Variants in BRF1 observed in about 807,000 individuals in gnomAD.
BRF1 encodes transcription factor IIIB 90 kDa subunit.
Under a neutral mutation model 81.7 loss-of-function variants are expected in BRF1, and 59 were observed. The ratio of observed to expected loss-of-function variants is 0.72; its 90% CI spans 0.59 to 0.90. BRF1 has a LOEUF of 0.90. Ranked by LOEUF, BRF1 falls within the 40% of genes least tolerant of loss-of-function variation. BRF1 has a pLI of 0.00. For synonymous variants in BRF1, 491 were observed against 395.6 expected (o/e 1.24, Z -2.86); for missense variants, 1,050 against 936.3 (o/e 1.12, Z -1.58).
chr14:105,302,691 T>C (rs2058076978), upstream of BRF1, among the ~76,000 whole-genome samples: 2 of 152,088 alleles, frequency 1.3e-5, no homozygotes, highest in South Asian at 2.1e-4. Flanking sequence ...GCTCAGGTGA[T>C]CCTCCCACCT....
upstream of BRF1, chr14:105,301,348 G>A (rs1471860855): frequency 6.6e-6 from 1 of 152,164 alleles, no homozygotes; most frequent in Non-Finnish European, 1.5e-5. Context: ...GTGGAGAGAC[G>A]GCCTGCGAAG....
intron 5 of BRF1, among the ~76,000 whole-genome samples, chr14:105,243,761 C>T (rs932230331): frequency 1.2e-4 from 19 of 152,034 alleles, no homozygotes; most frequent in African/African-American, 4.6e-4. Context: ...TTTGGGAGGC[C>T]GAGGAGGGTG....
At chr14:105,263,833 G>A (rs587642917) in intron 3 of BRF1, among the ~76,000 whole-genome samples, 1 of 151,866 alleles carries the variant, frequency 6.6e-6, no homozygotes, top group South Asian at 2.1e-4. Context: ...ACTGAGGCAG[G>A]AGAATGGCAT....
At chr14:105,301,618 G>C (rs587732323), upstream of BRF1, among the ~76,000 whole-genome samples, 79 of 152,328 alleles carry the variant, frequency 5.2e-4, no homozygotes, top group Middle Eastern at 3.4e-3. Context: ...CGCTCCGCTC[G>C]CCCAGGTTCC....
Position 105,226,742 on chromosome 14 carries a change from G to A in BRF1, c.807C>T (p.Asp269=), listed in dbSNP as rs376259458. ...CAATGGTCAACTGACTGGTGGGGGT[G>A]TCTTCAAATTCCGTGAGCCTAAAAT... ...TLRKRLTEFE[D]TPTSQLTIDE... Residue 269 remains aspartate (D), a synonymous_variant, in exon 8 of 18, where the codon GAC becomes GAT. Coordinates refer to ENST00000547530, the MANE Select transcript of BRF1 (RefSeq NM_001519.4). 11 of 1,613,538 alleles carry A rather than the reference G, an allele frequency of 6.8e-6. No individual in the cohort carries two copies. The highest frequency in any genetic ancestry group is 5.3e-5 in the African/African-American group (4 of 74,952).
intron 3 of BRF1, among the ~76,000 whole-genome samples, chr14:105,259,287 A>G (rs2056039730): frequency 1.3e-5 from 2 of 152,094 alleles, no homozygotes; most frequent in Non-Finnish European, 2.9e-5. Flanking sequence ...CTACAAAAAA[A>G]TCCAAAAATT....
intron 16 of BRF1, 112 bp downstream of exon 16, chr14:105,212,001 G>A: frequency 1.4e-6 from 2 of 1,459,838 alleles, no homozygotes; most frequent in South Asian, 1.2e-5. Flanking sequence ...AGCAGGGGCA[G>A]GCGCCTCTGT....
chr14:105,272,379 C>T (rs1342080517), intron 3 of BRF1, among the ~76,000 whole-genome samples: 2 of 152,330 alleles, frequency 1.3e-5, no homozygotes, highest in East Asian at 1.9e-4. Flanking sequence ...GGCCAGAGGG[C>T]GGCCTGAACC....
At chr14:105,217,950 G>A in intron 14 of BRF1, 150 bp from the exon 15 acceptor site, 3 of 1,304,474 alleles carry the variant, frequency 2.3e-6, no homozygotes, top group Non-Finnish European at 3.1e-6. Flanking sequence ...CCAGAATGTG[G>A]GCCAGCCTGG....
intron 5 of BRF1, chr14:105,249,228 G>A (rs1386811458): frequency 5.7e-6 from 9 of 1,586,072 alleles, no homozygotes; most frequent in East Asian, 2.3e-5. Flanking sequence ...GGGGCGACCA[G>A]GACGGTGCCC....
chr14:105,247,354 C>T lies in BRF1; in HGVS notation c.544+5153G>A, dbSNP rs587655883. ...CTACGTGACAAGTCTCAAGTTCAGC[C>T]GCCTGGGGGCTCGGGCACCCCATTC... is the stretch of plus-strand genomic sequence containing the variant. On this transcript the variant is annotated intron_variant, in intron 5 of 17. Transcript: ENST00000547530. 1.9e-5 allele frequency: 19 copies of T among 985,492 alleles called. No individual in the cohort carries two copies. The South Asian group carries it at 4.7e-4, about 24-fold the overall frequency. 61.0% of individuals were successfully genotyped at this position (985,492 alleles called of 1,614,324 possible).
chr14:105,215,782 A>G (rs1464313567), intron 15 of BRF1, among the ~76,000 whole-genome samples: 1 of 146,936 alleles, frequency 6.8e-6, no homozygotes. Flanking sequence ...CACACTGCAC[A>G]CACACACATG....
At chr14:105,221,300 C>T (rs921539348) in intron 11 of BRF1, among the ~76,000 whole-genome samples, 4 of 152,320 alleles carry the variant, frequency 2.6e-5, no homozygotes, top group South Asian at 4.1e-4. Context: ...GACGTTCCCC[C>T]GACCATGTTG....
Position 105,219,145 on chromosome 14 carries a change from G to A in BRF1, c.1459+6C>T, listed in dbSNP as rs201963147. On this transcript the variant is annotated splice_donor_region_variant and intron_variant, in intron 13 of 17. Coordinates refer to ENST00000547530, the MANE Select transcript of BRF1 (RefSeq NM_001519.4). The stretch of plus-strand genomic sequence containing the variant: ...CTGCGTGTGAGTGTGGGCGGGTGGC[G>A]CTTACCCCTCTGTTCCCGCAGGTAC... The A allele has an allele frequency of 1.4e-5, 23 of 1,612,346 alleles. No individual in the cohort carries two copies. Among genetic ancestry groups the A allele is most frequent in the African/African-American group, 6.7e-5 (5 of 75,036 alleles).
At chr14:105,300,411 G>A (rs780950441) in intron 1 of BRF1, 35 bp downstream of exon 1, 3 of 1,497,334 alleles carry the variant, frequency 2.0e-6, no homozygotes, top group South Asian at 2.5e-5. Flanking sequence ...AAGCCGCACC[G>A]AGAAATCCGC....
chr14:105,248,534 C>T (rs2140273134), intron 5 of BRF1: 1 of 942,238 alleles, frequency 1.1e-6, no homozygotes, highest in South Asian at 4.9e-5. Context: ...GGCCCTGACG[C>T]AGCGTGACGC....
At chr14:105,275,752 T>C (rs1345283384) in intron 2 of BRF1, among the ~76,000 whole-genome samples, 1 of 152,252 alleles carries the variant, frequency 6.6e-6, no homozygotes, top group Non-Finnish European at 1.5e-5. Context: ...CTAAAATTCC[T>C]ATGTTGAAAT....
At chr14:105,288,795 G>A (rs1271664479) in intron 1 of BRF1, among the ~76,000 whole-genome samples, 3 of 151,346 alleles carry the variant, frequency 2.0e-5, no homozygotes, top group East Asian at 2.0e-4. Flanking sequence ...AACCACGCCC[G>A]GCTAATTTTT....
At chr14:105,225,237 C>T (rs1892896552) in intron 10 of BRF1, among the ~76,000 whole-genome samples, 1 of 152,220 alleles carries the variant, frequency 6.6e-6, no homozygotes, top group African/African-American at 2.4e-5. Context: ...GTGGCTCCTA[C>T]TAACCCCCAA....
Sources: allele counts gnomAD v4.1 joint callset (sites outside exome capture counted in the v4.1 genomes callset), GRCh38; gene constraint gnomAD v4.1.1; transcripts MANE v1.5; gene names NCBI Gene and HGNC (gene_info 2026-07-23, HGNC 2026-07-21).